Variants in CLSTN2 observed in about 807,000 individuals in gnomAD.
The protein encoded by CLSTN2 is calsyntenin 2, also known as calsyntenin-2.
A neutral mutation model predicts 101.2 loss-of-function variants in CLSTN2; 48 were observed. That is an observed-to-expected ratio of 0.47 (90% confidence interval 0.38 to 0.60). The LOEUF is 0.60. CLSTN2 is among the 20% of genes least tolerant of loss of function. The pLI, the probability that CLSTN2 is intolerant of heterozygous loss-of-function variation, is 0.00. For missense variants in CLSTN2, 1,160 were observed against 1,238.2 expected (o/e 0.94, Z 0.95); for synonymous variants, 481 against 463.6 (o/e 1.04, Z -0.48).
chr3:140,487,848 T>C (rs1267463177), intron 8 of CLSTN2, among the ~76,000 whole-genome samples: 4 of 152,228 alleles, frequency 2.6e-5, no homozygotes, highest in Non-Finnish European at 4.4e-5. Flanking sequence ...ACAATAAGGC[T>C]ATAGCTATTT....
rs989825019 is a variant in CLSTN2 at position 140,142,793 on chromosome 3, A to G, written c.110-33158A>G. On this transcript the variant is annotated intron_variant, in intron 1 of 16. Transcript: ENST00000458420. ...CCCATTGTGATCTAAAGTGATAAGC[A>G]CCTAATTTCCTTGGACTTCAGTTTG... Among the ~76,000 whole-genome samples, 4 of 152,164 alleles carry G rather than the reference A, an allele frequency of 2.6e-5. No individual in the cohort carries two copies. In the East Asian group the frequency reaches 7.7e-4, roughly 29 times the overall value.
Position 139,949,437 on chromosome 3 carries a change from G to A in CLSTN2, c.109+13954G>A, listed in dbSNP as rs186314455. Among the ~76,000 whole-genome samples the A allele has an allele frequency of 2.6e-5, 4 of 152,290 alleles. No homozygotes were observed. In the East Asian group the frequency reaches 7.7e-4, roughly 29 times the overall value. On this transcript the variant is annotated intron_variant, in intron 1 of 16. Coordinates refer to ENST00000458420, the MANE Select transcript of CLSTN2 (RefSeq NM_022131.3). Reference sequence around the variant, plus strand: ...CACACACATAAGGGCTGGCAGAGCAGGAGGATTAGGAGAGGTCAACATCCC... The same window carrying A: ...CACACACATAAGGGCTGGCAGAGCAAGAGGATTAGGAGAGGTCAACATCCC...
chr3:139,965,705 A>G (rs955054044), intron 1 of CLSTN2, among the ~76,000 whole-genome samples: 2 of 152,180 alleles, frequency 1.3e-5, no homozygotes, highest in African/African-American at 4.8e-5. Context: ...GGCAGAGCCT[A>G]GCTTTCTTGC....
intron 1 of CLSTN2, among the ~76,000 whole-genome samples, chr3:140,090,360 C>A (rs1385536107): frequency 1.3e-5 from 2 of 151,954 alleles, no homozygotes; most frequent in African/African-American, 4.8e-5. Context: ...TCCAAGATGG[C>A]AATAATCCTG....
chr3:140,219,465 T>C (rs1255739172), intron 2 of CLSTN2, among the ~76,000 whole-genome samples: 1 of 152,168 alleles, frequency 6.6e-6, no homozygotes, highest in Non-Finnish European at 1.5e-5. Flanking sequence ...TCAAAGCTCC[T>C]TAAGAAAACA....
At chr3:140,071,809 G>A (rs1376582723) in intron 1 of CLSTN2, among the ~76,000 whole-genome samples, 1 of 148,148 alleles carries the variant, frequency 6.8e-6, no homozygotes. Context: ...CCAGGCTGGG[G>A]GACAGAGTGA....
At chr3:140,198,314 A>G (rs145390739) in intron 2 of CLSTN2, among the ~76,000 whole-genome samples, 8 of 152,342 alleles carry the variant, frequency 5.3e-5, no homozygotes, top group East Asian at 3.9e-4. Flanking sequence ...GTAACAAAGC[A>G]TCACACATTT....
chr3:140,224,884 C>A (rs2086305036), intron 2 of CLSTN2, among the ~76,000 whole-genome samples: 1 of 152,128 alleles, frequency 6.6e-6, no homozygotes, highest in Admixed American at 6.5e-5. Flanking sequence ...ATTAGAGAGA[C>A]TAGTGAAAAA....
At chr3:140,044,245 G>A (rs1229091914) in intron 1 of CLSTN2, among the ~76,000 whole-genome samples, 18 of 152,082 alleles carry the variant, frequency 1.2e-4, no homozygotes, top group South Asian at 4.2e-4. Context: ...GGTCCTTCAC[G>A]TCCCTTGTAA....
At chr3:140,218,656 G>A (rs913805860) in intron 2 of CLSTN2, among the ~76,000 whole-genome samples, 2 of 152,158 alleles carry the variant, frequency 1.3e-5, no homozygotes, top group Non-Finnish European at 2.9e-5. Context: ...CGTCAAGCAA[G>A]CATAGCTTTG....
chr3:140,440,874 G>T (rs748850845), intron 5 of CLSTN2, among the ~76,000 whole-genome samples: 9 of 152,178 alleles, frequency 5.9e-5, no homozygotes, highest in African/African-American at 1.9e-4. Flanking sequence ...TGCATAATTT[G>T]TGGGTCCCAG....
intron 2 of CLSTN2, among the ~76,000 whole-genome samples, chr3:140,350,051 G>T (rs2087588841): frequency 6.6e-6 from 1 of 152,208 alleles, no homozygotes; most frequent in Non-Finnish European, 1.5e-5. Flanking sequence ...TTAGACAAAG[G>T]CTGAGGGTTA....
intron 5 of CLSTN2, among the ~76,000 whole-genome samples, chr3:140,440,738 G>C (rs137900722): frequency 1.3e-5 from 2 of 152,304 alleles, no homozygotes; most frequent in Non-Finnish European, 2.9e-5. Flanking sequence ...CTGATTCCTA[G>C]CAGTTATGCT....
chr3:140,284,711 G>C (rs2086880348), intron 2 of CLSTN2, among the ~76,000 whole-genome samples: 1 of 152,042 alleles, frequency 6.6e-6, no homozygotes, highest in Admixed American at 6.6e-5. Context: ...TAATCTTCAA[G>C]TTACATTTGT....
chr3:140,369,058 T>C (rs2087823504), intron 2 of CLSTN2, among the ~76,000 whole-genome samples: 1 of 152,156 alleles, frequency 6.6e-6, no homozygotes, highest in South Asian at 2.1e-4. Context: ...TGTGAGCTCT[T>C]TTAGGATGAG....
At chr3:139,940,141 T>C (rs1935100101) in intron 1 of CLSTN2, among the ~76,000 whole-genome samples, 1 of 152,222 alleles carries the variant, frequency 6.6e-6, no homozygotes, top group Admixed American at 6.5e-5. Flanking sequence ...ACTCTCCTGG[T>C]ATCTCCAGAG....
At chr3:140,452,624 A>C (rs1218630239) in intron 6 of CLSTN2, 1 of 152,210 alleles carries the variant, frequency 6.6e-6, no homozygotes, top group African/African-American at 2.4e-5. Flanking sequence ...TTTACTGGGG[A>C]GCTGGACAGT....
At chr3:140,121,809 C>T (rs943670014) in intron 1 of CLSTN2, among the ~76,000 whole-genome samples, 1 of 152,156 alleles carries the variant, frequency 6.6e-6, no homozygotes, top group Non-Finnish European at 1.5e-5. Context: ...AGGGCAATGT[C>T]CAGCTCTGAA....
chr3:140,415,645 A>T (rs2088424572), intron 4 of CLSTN2, among the ~76,000 whole-genome samples: 3 of 152,170 alleles, frequency 2.0e-5, no homozygotes, highest in African/African-American at 7.2e-5. Context: ...CAAACCCTCA[A>T]TGAGCTATCA....
Sources: allele counts gnomAD v4.1 joint callset (sites outside exome capture counted in the v4.1 genomes callset), GRCh38; gene constraint gnomAD v4.1.1; transcripts MANE v1.5; gene names NCBI Gene and HGNC (gene_info 2026-07-23, HGNC 2026-07-21).